Variants in HNF4G observed in about 807,000 individuals in gnomAD.
HNF4G encodes hepatocyte nuclear factor 4 gamma.
A neutral mutation model predicts 50.9 loss-of-function variants in HNF4G; 21 were observed. The ratio of observed to expected loss-of-function variants is 0.41; its 90% CI spans 0.29 to 0.59. HNF4G has a LOEUF of 0.59. HNF4G is among the 20% of genes least tolerant of loss of function. The probability of loss-of-function intolerance (pLI) is 0.26; values close to 1 mark genes in which losing one functional copy is unlikely to be tolerated. For missense variants in HNF4G, 527 were observed against 559.4 expected, an observed-to-expected ratio of 0.94 and a Z score of 0.58; for synonymous variants, 198 against 185.6, an observed-to-expected ratio of 1.07 and a Z score of -0.54.
At chr8:75,558,143 A>T (rs1376695161) in intron 6 of HNF4G, among the ~76,000 whole-genome samples, 2 of 152,224 alleles carry the variant, frequency 1.3e-5, no homozygotes, top group East Asian at 3.8e-4. Flanking sequence ...CGCTGTAAAC[A>T]AGAAAGATTC....
At chr8:75,475,529 T>C (rs1319044927) in intron 1 of HNF4G, among the ~76,000 whole-genome samples, 1 of 152,190 alleles carries the variant, frequency 6.6e-6, no homozygotes, top group East Asian at 1.9e-4. Flanking sequence ...TGTGTTTGTG[T>C]GTGTGTAATG....
intron 1 of HNF4G, among the ~76,000 whole-genome samples, chr8:75,481,250 A>C (rs887954149): frequency 5.3e-5 from 8 of 152,154 alleles, no homozygotes; most frequent in African/African-American, 1.9e-4. Context: ...TTTATGAGCC[A>C]TTTATGTTTT....
chr8:75,540,495 T>C (rs2130783173), intron 1 of HNF4G, among the ~76,000 whole-genome samples: 1 of 152,276 alleles, frequency 6.6e-6, no homozygotes, highest in South Asian at 2.1e-4. Flanking sequence ...GTTTCACTGA[T>C]TGTCTACCCT....
chr8:75,556,580 A>C (rs1807134906), intron 6 of HNF4G, among the ~76,000 whole-genome samples: 1 of 152,122 alleles, frequency 6.6e-6, no homozygotes, highest in South Asian at 2.1e-4. Flanking sequence ...GAGGCTAAGG[A>C]AGGATAATAG....
rs1807203726 is a variant in HNF4G, at chr8:75,558,598, A to T, written c.814A>T (p.Arg272Ter). ...VANRVLDELVRPFQEIQIDDN... is the reference protein window; with the variant it reads ...VANRVLDELV ...CAATCGTGTTCTAGATGAGCTGGTT[A>T]GACCATTTCAAGAAATCCAGATTGA... is the stretch of plus-strand genomic sequence containing the variant. The change falls in exon 7 of 10, where the codon AGA (arginine) becomes TGA (stop). Residue 272 changes from arginine (R) to a stop codon, truncating the protein, a stop_gained. Transcript: ENST00000396423. LOFTEE classifies it high-confidence loss of function. 6.2e-7 allele frequency: 1 copy of T among 1,613,802 alleles called. No individual in the cohort carries two copies. The highest frequency in any genetic ancestry group is 1.7e-5 in the Admixed American group (1 of 60,000).
chr8:75,429,054 G>A (rs940504290), intron 1 of HNF4G, among the ~76,000 whole-genome samples: 1 of 152,120 alleles, frequency 6.6e-6, no homozygotes, highest in Non-Finnish European at 1.5e-5. Context: ...CAAAATATAA[G>A]GGACTTCGTA....
At chr8:75,515,378 A>C (rs1805862305) in intron 2 of HNF4G, among the ~76,000 whole-genome samples, 2 of 152,306 alleles carry the variant, frequency 1.3e-5, no homozygotes, top group South Asian at 4.1e-4. Context: ...GATTCTCCAG[A>C]GAAACAACCA....
chr8:75,526,742 C>T (rs898947633), intron 2 of HNF4G, among the ~76,000 whole-genome samples: 1 of 148,468 alleles, frequency 6.7e-6, no homozygotes, highest in African/African-American at 2.5e-5. Context: ...GGGACTCACT[C>T]TTCAGTTGCC....
At chr8:75,481,530 A>T (rs1207217609) in intron 1 of HNF4G, among the ~76,000 whole-genome samples, 1 of 152,112 alleles carries the variant, frequency 6.6e-6, no homozygotes, top group African/African-American at 2.4e-5. Context: ...TTGTTCTGTT[A>T]GGGTTGCTAT....
At chr8:75,516,716 T>C (rs955628803) in intron 2 of HNF4G, among the ~76,000 whole-genome samples, 1 of 152,216 alleles carries the variant, frequency 6.6e-6, no homozygotes, top group Admixed American at 6.5e-5. Context: ...AATTTTTGCT[T>C]CATATATTTT....
At chr8:75,444,110 TGGG>T (rs1811361324) in intron 1 of HNF4G, among the ~76,000 whole-genome samples, 1 of 151,506 alleles carries the variant, frequency 6.6e-6, no homozygotes, top group Admixed American at 6.6e-5. Context: ...CAGAAGAGAG[TGGG>T]GGCCAATATT....
intron 1 of HNF4G, among the ~76,000 whole-genome samples, chr8:75,419,940 C>A (rs1810739296): frequency 6.6e-6 from 1 of 152,200 alleles, no homozygotes; most frequent in Non-Finnish European, 1.5e-5. Context: ...TCCTGAGAAT[C>A]TTCAGTTGAA....
At position 75,409,480 on chromosome 8, in the gene HNF4G, C is replaced by CTTTTT. The variant is rs5892492; in HGVS notation, c.-144+1338_-144+1342dup. 2.5e-3 allele frequency among the ~76,000 whole-genome samples: 165 copies of CTTTTT among 67,182 alleles called. 1 individual carries two copies. Among genetic ancestry groups the CTTTTT allele is most frequent in the Non-Finnish European group, 2.6e-3 (99 of 38,384 alleles). The allele number at this position is 67,182 out of a possible 152,430, so 44.1% of individuals were successfully genotyped here. ...AGTATTTGTTTTTGAGTGCCTTGTT[C>CTTTTT]TTTTTTTTTTTTTTTTTTTTTTTTC... On this transcript the variant is annotated intron_variant, in intron 1 of 10. Transcript: ENST00000354370.
intron 1 of HNF4G, among the ~76,000 whole-genome samples, chr8:75,419,499 A>G (rs998120607): frequency 6.6e-6 from 1 of 152,214 alleles, no homozygotes; most frequent in Admixed American, 6.5e-5. Context: ...ATTCCGAGGG[A>G]CACTATCTAT....
rs575219924 is a variant in HNF4G, at chr8:75,467,423, A to C, written c.-143-22666A>C. On this transcript the variant is annotated intron_variant, in intron 1 of 10. Coordinates refer to the HNF4G transcript ENST00000354370. ...ATGCCTGTAATCCCAACACTTTGGG[A>C]GGCTGAGGCAGGCAGATCACGAGGT... Among the ~76,000 whole-genome samples, 132 of 152,302 alleles carry C rather than the reference A, an allele frequency of 8.7e-4. 1 individual carries two copies. Among genetic ancestry groups the C allele is most frequent in the African/African-American group, 3.2e-3 (131 of 41,554 alleles).
upstream of HNF4G, among the ~76,000 whole-genome samples, chr8:75,535,741 C>T (rs1195640105): frequency 1.3e-5 from 2 of 151,658 alleles, no homozygotes; most frequent in African/African-American, 4.8e-5. Flanking sequence ...ATGGAAATAA[C>T]CCTTATTTTA....
At chr8:75,543,775 C>CT (rs765909213) in intron 1 of HNF4G, 36 bp from the exon 2 acceptor site, 53 of 1,556,434 alleles carry the variant, frequency 3.4e-5, no homozygotes, top group Non-Finnish European at 4.6e-5. Context: ...GGAAATAGTA[C>CT]TAACTCTAAC....
chr8:75,465,886 T>C (rs1336975354), intron 1 of HNF4G, among the ~76,000 whole-genome samples: 2 of 152,178 alleles, frequency 1.3e-5, no homozygotes, highest in Non-Finnish European at 2.9e-5. Flanking sequence ...CCTCCTTCTA[T>C]TGGAAATGAA....
chr8:75,543,725 T>G, intron 1 of HNF4G, 86 bp from the exon 2 acceptor site: 2 of 1,105,484 alleles, frequency 1.8e-6, no homozygotes, highest in Non-Finnish European at 1.3e-6. Context: ...ATGAATGGAG[T>G]GTTATGAGCC....
Sources: gnomAD v4.1 joint callset for allele counts (sites outside exome capture counted in the v4.1 genomes callset) on GRCh38, gnomAD v4.1.1 for gene constraint, MANE v1.5 for transcripts, NCBI Gene and HGNC (gene_info 2026-07-23, HGNC 2026-07-21) for gene names.